Variants in TRIM9 observed in about 807,000 individuals in gnomAD.
The protein encoded by TRIM9 is tripartite motif containing 9.
In TRIM9, 26 loss-of-function variants were observed where a neutral mutation model predicts 78.3. That is an observed-to-expected ratio of 0.33 (90% CI 0.24 to 0.46). The LOEUF is 0.46. Ranked by LOEUF, TRIM9 falls within the 20% of genes least tolerant of loss-of-function variation. The pLI is 1.00. For missense variants in TRIM9, 787 were observed against 1,036.4 expected (o/e 0.76, Z 3.30); for synonymous variants, 398 against 416.5 (o/e 0.96, Z 0.54).
chr14:50,983,082 G>A, intron 9 of TRIM9, 117 bp from the exon 10 acceptor site: 4 of 973,386 alleles, frequency 4.1e-6, no homozygotes, highest in South Asian at 1.4e-5. Context: ...AATTTAAAAT[G>A]CCACATATAC....
intron 12 of TRIM9, chr14:50,978,917 G>A: frequency 9.7e-7 from 1 of 1,026,256 alleles, no homozygotes; most frequent in Non-Finnish European, 1.2e-6. Flanking sequence ...TAGGGACTAT[G>A]TTTTCTACCC....
chr14:51,015,511 T>C (rs1596178178), intron 3 of TRIM9, among the ~76,000 whole-genome samples: 2 of 102,630 alleles, frequency 1.9e-5, no homozygotes, highest in Non-Finnish European at 4.0e-5. Flanking sequence ...TTTTCTTTTT[T>C]TTTTTTTTTT....
rs192733233 is a variant in TRIM9 at position 51,022,488 on chromosome 14, G to A, written c.1041+347C>T. The stretch of plus-strand genomic sequence containing the variant: ...ATAATCACCCAGTCTGTGGGATTCC[G>A]CTATATCAACATAAAATGGAGGAAG... On this transcript the variant is annotated intron_variant, in intron 3 of 12. Coordinates refer to ENST00000684578, the MANE Select transcript of TRIM9 (RefSeq NM_001387360.1). 2.5e-3 allele frequency among the ~76,000 whole-genome samples: 379 copies of A among 152,250 alleles called. 3 individuals are homozygous for A. Among genetic ancestry groups the A allele is most frequent in the Admixed American group, 0.016 (245 of 15,302 alleles).
At position 51,094,810 on chromosome 14, in the gene TRIM9, A is replaced by T; in HGVS notation, c.130T>A (p.Ser44Thr). The change falls in exon 1 of 13, where the codon TCT becomes ACT. Residue 44 changes from serine (S) to threonine (T), a missense_variant. This residue lies in a region of TRIM9 where 352 missense variants were observed against 472.3 expected (regional missense o/e 0.75). Transcript: ENST00000684578. ...ARNILVQTPESESPQSHRAAG... is the reference protein window; with the variant it reads ...ARNILVQTPETESPQSHRAAG... ...GCCCGATGGCTCTGGGGGGATTCAG[A>T]CTCTGGGGTCTGCACCAGGATGTTG... 6.5e-7 allele frequency: 1 copy of T among 1,536,220 alleles called. No homozygotes were observed. The highest frequency in any genetic ancestry group is 1.4e-5 in the African/African-American group (1 of 72,092).
At chr14:50,996,843 T>C (rs1166244943) in intron 7 of TRIM9, 2 of 985,328 alleles carry the variant, frequency 2.0e-6, no homozygotes, top group Admixed American at 6.2e-5. Flanking sequence ...ATCCTTCTCT[T>C]GGAATAGCAT....
At chr14:50,986,641 T>A (rs1447323954) in intron 7 of TRIM9, among the ~76,000 whole-genome samples, 1 of 152,232 alleles carries the variant, frequency 6.6e-6, no homozygotes, top group Non-Finnish European at 1.5e-5. Context: ...TATTTTTCTA[T>A]TAGATGGATG....
intron 3 of TRIM9, among the ~76,000 whole-genome samples, chr14:51,015,876 A>G (rs1231653210): frequency 6.6e-6 from 1 of 152,204 alleles, no homozygotes; most frequent in Non-Finnish European, 1.5e-5. Flanking sequence ...CTGCAGCCTA[A>G]GTAAACACTA....
At chr14:50,981,749 C>A (rs755648561) in intron 11 of TRIM9, 51 bp downstream of exon 11, 21 of 1,606,788 alleles carry the variant, frequency 1.3e-5, no homozygotes, top group Non-Finnish European at 1.6e-5. Context: ...GGCTCTCACT[C>A]CTGATCAGAA....
intron 8 of TRIM9, among the ~76,000 whole-genome samples, chr14:50,985,521 G>C (rs2052584209): frequency 6.6e-6 from 1 of 152,100 alleles, no homozygotes. Context: ...TGTTTAATCA[G>C]ACCACTCCAG....
At chr14:50,978,052 G>A (rs1267875604) in intron 12 of TRIM9, among the ~76,000 whole-genome samples, 1 of 152,028 alleles carries the variant, frequency 6.6e-6, no homozygotes, top group African/African-American at 2.4e-5. Context: ...TCTGAGACTC[G>A]CTTCTAGGGT....
At position 51,056,206 on chromosome 14, in the gene TRIM9, A is replaced by C. The variant is rs2140122039; in HGVS notation, c.823-30846T>G. On this transcript the variant is annotated intron_variant, in intron 1 of 12. Transcript: ENST00000684578. ...AATTCAAATATTCTAAAACTTGTAA[A>C]GCCTCTGTAACCAGACCAGAAATTG... Among the ~76,000 whole-genome samples the C allele has an allele frequency of 1.3e-5, 2 of 152,364 alleles. 1 individual carries two copies. Among genetic ancestry groups the C allele is most frequent in the East Asian group, 3.9e-4 (2 of 5,190 alleles).
At chr14:51,082,200 G>A (rs1456338677) in intron 1 of TRIM9, among the ~76,000 whole-genome samples, 1 of 152,192 alleles carries the variant, frequency 6.6e-6, no homozygotes, top group African/African-American at 2.4e-5. Context: ...AAGGGTTTTA[G>A]GAGCTCTGAG....
chr14:50,999,992 C>T (rs534586659), intron 6 of TRIM9, among the ~76,000 whole-genome samples: 1 of 152,284 alleles, frequency 6.6e-6, no homozygotes, highest in African/African-American at 2.4e-5. Flanking sequence ...GGGGATAGGG[C>T]TCCCTCACCT....
At chr14:51,015,505 C>CT (rs369652663) in intron 3 of TRIM9, among the ~76,000 whole-genome samples, 1,021 of 61,252 alleles carry the variant, frequency 0.017, 145 homozygotes, top group Admixed American at 0.037. Flanking sequence ...CTTTACTTTT[C>CT]TTTTTTTTTT....
intron 1 of TRIM9, among the ~76,000 whole-genome samples, chr14:51,041,130 A>G (rs1349146559): frequency 1.3e-5 from 2 of 152,188 alleles, no homozygotes; most frequent in East Asian, 3.8e-4. Context: ...ATCCATTTCC[A>G]TGCAGTGAAT....
chr14:51,040,025 C>T (rs574255559), intron 1 of TRIM9, among the ~76,000 whole-genome samples: 3 of 152,230 alleles, frequency 2.0e-5, no homozygotes, highest in East Asian at 1.9e-4. Context: ...CCTCCTGATC[C>T]GCCCGCCTCG....
At chr14:51,027,045 C>A (rs1202870746) in intron 1 of TRIM9, among the ~76,000 whole-genome samples, 1 of 151,378 alleles carries the variant, frequency 6.6e-6, no homozygotes, top group Non-Finnish European at 1.5e-5. Flanking sequence ...GTGGGCATTG[C>A]ATAAGATACT....
intron 3 of TRIM9, among the ~76,000 whole-genome samples, chr14:51,014,812 C>T (rs1190998379): frequency 3.3e-5 from 5 of 152,124 alleles, no homozygotes; most frequent in Non-Finnish European, 5.9e-5. Context: ...GACACATTTC[C>T]GTGCTTTGGC....
intron 1 of TRIM9, among the ~76,000 whole-genome samples, chr14:51,033,900 T>C (rs2058933516): frequency 6.6e-6 from 1 of 152,252 alleles, no homozygotes; most frequent in Non-Finnish European, 1.5e-5. Flanking sequence ...ATGCATATTC[T>C]CTTTATATTA....
Sources: gnomAD v4.1 joint callset for allele counts (sites outside exome capture counted in the v4.1 genomes callset) on GRCh38, gnomAD v4.1.1 for gene constraint, gnomAD v4.1.1 regional missense constraint, MANE v1.5 for transcripts, NCBI Gene and HGNC (gene_info 2026-07-23, HGNC 2026-07-21) for gene names.